The following SPOP variants were observed in gnomAD, a reference collection of about 807,000 sequenced individuals.
The protein encoded by SPOP is speckle-type POZ protein.
A neutral mutation model predicts 45.6 loss-of-function variants in SPOP; 11 were observed. The ratio of observed to expected loss-of-function variants is 0.24; its 90% confidence interval spans 0.15 to 0.40. SPOP has a LOEUF of 0.40. SPOP is among the 10% of genes least tolerant of loss of function. The pLI is 1.00. For synonymous variants in SPOP, 166 were observed against 166.3 expected (o/e 1.00, Z 0.01); for missense variants, 152 against 465.6 (o/e 0.33, Z 6.20).
intron 1 of SPOP, among the ~76,000 whole-genome samples, chr17:49,640,083 C>G (rs569293582): frequency 6.6e-6 from 1 of 152,132 alleles, no homozygotes; most frequent in South Asian, 2.1e-4. Flanking sequence ...AACACCATCT[C>G]TACTAAAAAT....
chr17:49,618,142 A>G (rs1159174583), intron 5 of SPOP, among the ~76,000 whole-genome samples: 2 of 152,038 alleles, frequency 1.3e-5, no homozygotes, highest in Non-Finnish European at 1.5e-5. Context: ...ATGATGATAC[A>G]CTGTTTATTA....
At chr17:49,677,272 T>C (rs186499777) in intron 1 of SPOP, among the ~76,000 whole-genome samples, 28 of 152,280 alleles carry the variant, frequency 1.8e-4, no homozygotes, top group Non-Finnish European at 4.0e-4. Context: ...GATGGGAGTA[T>C]AGGAATGGAA....
intron 1 of SPOP, among the ~76,000 whole-genome samples, chr17:49,649,805 G>T (rs897636537): frequency 1.3e-5 from 2 of 151,920 alleles, no homozygotes; most frequent in Non-Finnish European, 2.9e-5. Context: ...CTCCAGCCTG[G>T]GCGACAGAGA....
At chr17:49,604,769 C>T (rs944048761) in intron 8 of SPOP, among the ~76,000 whole-genome samples, 2 of 152,138 alleles carry the variant, frequency 1.3e-5, no homozygotes, top group Non-Finnish European at 2.9e-5. Context: ...TTCCACAGAC[C>T]GCAGGGCCTA....
intron 5 of SPOP, among the ~76,000 whole-genome samples, chr17:49,611,999 T>C (rs910957879): frequency 6.6e-6 from 1 of 151,906 alleles, no homozygotes; most frequent in African/African-American, 2.4e-5. Context: ...CCTTCTACTC[T>C]AGCCTCTGGA....
At position 49,600,756 on chromosome 17, in the gene SPOP, C is replaced by CA; in HGVS notation, c.981-235dup. 2.0e-6 allele frequency: 1 copy of CA among 511,132 alleles called. No individual in the cohort carries two copies. The highest frequency in any genetic ancestry group is 2.4e-5 in the South Asian group (1 of 41,730). The allele number at this position is 511,132 out of a possible 1,614,324, so 31.7% of individuals were successfully genotyped here. ...CTTTGAGCCACTATATTCTCAAAAA[C>CA]AAAAAGCAGAATGTTCCCCAGGCCC... On this transcript the variant is annotated intron_variant, in intron 9 of 9. Coordinates refer to ENST00000504102, the MANE Select transcript of SPOP (RefSeq NM_001007228.2). The surrounding 1 kb of genome is among the most constrained non-coding windows in gnomAD (Gnocchi z 4.2).
intron 1 of SPOP, among the ~76,000 whole-genome samples, chr17:49,657,501 C>T (rs1457147308): frequency 6.6e-6 from 1 of 150,776 alleles, no homozygotes; most frequent in Non-Finnish European, 1.5e-5. Flanking sequence ...TGGGTTCTAA[C>T]GATTCTCCTG....
rs2143301767 is a variant in SPOP at position 49,622,816 on chromosome 17, G to A, written c.-6C>T. ...GGACTTGGAACCCTTGACATCGCCA[G>A]TTTGAAGGTTAAACGAGATTTCCAA... is the stretch of plus-strand genomic sequence containing the variant. On this transcript the variant is annotated 5_prime_UTR_variant, in exon 2 of 10. Coordinates refer to ENST00000504102, the MANE Select transcript of SPOP (RefSeq NM_001007228.2). 2 of 1,613,766 alleles carry A rather than the reference G, an allele frequency of 1.2e-6. No individual in the cohort carries two copies. Among genetic ancestry groups the A allele is most frequent in the South Asian group, 1.1e-5 (1 of 91,078 alleles).
chr17:49,661,619 C>A (rs1278933156), intron 1 of SPOP, among the ~76,000 whole-genome samples: 3 of 152,156 alleles, frequency 2.0e-5, no homozygotes, highest in African/African-American at 4.8e-5. Flanking sequence ...TGGAACATAC[C>A]CCTCCCTGTC....
At position 49,622,849 on chromosome 17, in the gene SPOP, G is replaced by A. The variant is rs747556061; in HGVS notation, c.-39C>T. On this transcript the variant is annotated 5_prime_UTR_variant, in exon 2 of 10. Coordinates refer to ENST00000504102, the MANE Select transcript of SPOP (RefSeq NM_001007228.2). ...GTTAAACGAGATTTCCAAAGTCAGG[G>A]GGCAAAGATTTCTGTTCCCTCTTCA... 6.4e-7 allele frequency: 1 copy of A among 1,560,636 alleles called. No homozygotes were observed. Among genetic ancestry groups the A allele is most frequent in the Admixed American group, 1.7e-5 (1 of 59,934 alleles).
chr17:49,643,287 G>A (rs2072693028), intron 1 of SPOP, among the ~76,000 whole-genome samples: 1 of 152,108 alleles, frequency 6.6e-6, no homozygotes, highest in Admixed American at 6.6e-5. Context: ...CTCTGAATAG[G>A]AGCCAGGTTT....
Position 49,678,000 on chromosome 17 carries a change from C to T in SPOP, c.-134G>A, listed in dbSNP as rs183236673. 7.5e-6 allele frequency: 3 copies of T among 399,298 alleles called. No individual in the cohort carries two copies. The highest frequency in any genetic ancestry group is 4.1e-5 in the African/African-American group (2 of 48,612). The allele number at this position is 399,298 out of a possible 1,614,324, so 24.7% of individuals were successfully genotyped here. A position where few individuals can be genotyped will look rare whatever the true frequency, so the allele number is the denominator to read the frequency against. On this transcript the variant is annotated 5_prime_UTR_variant, in exon 1 of 10. Coordinates refer to ENST00000504102, the MANE Select transcript of SPOP (RefSeq NM_001007228.2). ...CTTGCCTCATACTGTCCGCAACATC[C>T]GGGACCTGCGGGACCGCCGATACAC...
intron 1 of SPOP, among the ~76,000 whole-genome samples, chr17:49,630,391 T>C (rs1012087149): frequency 6.6e-6 from 1 of 152,182 alleles, no homozygotes; most frequent in Admixed American, 6.5e-5. Flanking sequence ...TAAATGACTT[T>C]TGAATATTTG....
intron 8 of SPOP, 91 bp downstream of exon 8, chr17:49,607,157 ATT>A: frequency 6.4e-7 from 1 of 1,561,250 alleles, no homozygotes; most frequent in South Asian, 1.1e-5. Flanking sequence ...ATATATGCTC[ATT>A]TTACCCACAA....
chr17:49,660,072 GC>G (rs1177862137), intron 1 of SPOP, among the ~76,000 whole-genome samples: 2 of 152,116 alleles, frequency 1.3e-5, no homozygotes, highest in African/African-American at 4.8e-5. Flanking sequence ...TATGGGTGCA[GC>G]CCAGGCACCA....
At chr17:49,643,757 C>G (rs1028265994) in intron 1 of SPOP, among the ~76,000 whole-genome samples, 2 of 151,648 alleles carry the variant, frequency 1.3e-5, no homozygotes, top group Non-Finnish European at 1.5e-5. Context: ...ATGGTGAAAC[C>G]GCATCTCTAC....
At chr17:49,614,907 C>T (rs1015943344) in intron 5 of SPOP, among the ~76,000 whole-genome samples, 1 of 150,784 alleles carries the variant, frequency 6.6e-6, no homozygotes, top group African/African-American at 2.4e-5. Flanking sequence ...GGCTGGAGTG[C>T]AGTGGTAGCG....
intron 1 of SPOP, among the ~76,000 whole-genome samples, chr17:49,677,526 G>A (rs538171922): frequency 2.0e-5 from 3 of 152,334 alleles, no homozygotes; most frequent in South Asian, 2.1e-4. Context: ...GTGCTCCACC[G>A]GCTCTTTATC....
At chr17:49,659,009 A>G (rs1406773154) in intron 1 of SPOP, among the ~76,000 whole-genome samples, 2 of 152,218 alleles carry the variant, frequency 1.3e-5, no homozygotes, top group East Asian at 3.8e-4. Flanking sequence ...AAAAGTGCAA[A>G]AGCCCAAAGG....
Sources: gnomAD v4.1 joint callset for allele counts (sites outside exome capture counted in the v4.1 genomes callset) on GRCh38, gnomAD v4.1.1 for gene constraint, Gnocchi (gnomAD v3.1) non-coding constraint, MANE v1.5 for transcripts, NCBI Gene and HGNC (gene_info 2026-07-23, HGNC 2026-07-21) for gene names.